USP32: variants seen among roughly 807,000 people sequenced by gnomAD.
USP32 encodes ubiquitin specific peptidase 32.
In USP32, 59 loss-of-function variants were observed where a neutral mutation model predicts 204.8. The ratio of observed to expected loss-of-function variants is 0.29; its 90% CI spans 0.23 to 0.36. The LOEUF (loss-of-function observed/expected upper bound fraction) is 0.36, where lower values mean the gene tolerates loss of function less well. Ranked by LOEUF, USP32 falls within the 10% of genes least tolerant of loss-of-function variation. The pLI, the probability that USP32 is intolerant of heterozygous loss-of-function variation, is 1.00. For synonymous variants in USP32, 517 were observed against 678.4 expected, an observed-to-expected ratio of 0.76 and a Z score of 3.70; for missense variants, 1,160 against 1,946.4, an observed-to-expected ratio of 0.60 and a Z score of 7.60.
intron 1 of USP32, among the ~76,000 whole-genome samples, chr17:60,357,890 TC>T (rs1459747578): frequency 1.3e-5 from 2 of 152,094 alleles, no homozygotes; most frequent in East Asian, 3.9e-4. Flanking sequence ...TGCCTCAGCA[TC>T]CCAAGTAACT....
intron 1 of USP32, among the ~76,000 whole-genome samples, chr17:60,407,771 G>A (rs1316377845): frequency 1.7e-5 from 2 of 116,030 alleles, no homozygotes; most frequent in Non-Finnish European, 3.3e-5. Flanking sequence ...GACAGAGCAA[G>A]CCTCTGTCTC....
chr17:60,410,915 C>T (rs1490829801), intron 1 of USP32, among the ~76,000 whole-genome samples: 2 of 151,110 alleles, frequency 1.3e-5, no homozygotes, highest in Non-Finnish European at 2.9e-5. Context: ...CCCGTTTCTA[C>T]TAAAAATACA....
chr17:60,208,579 T>C (rs2458355), intron 23 of USP32, 75 bp downstream of exon 23: 1 of 1,443,426 alleles, frequency 6.9e-7, no homozygotes, highest in African/African-American at 1.5e-5. Flanking sequence ...CAAATAACTA[T>C]GCTTACAAAT....
chr17:60,418,087 T>C (rs1440760671), intron 1 of USP32, among the ~76,000 whole-genome samples: 1 of 152,108 alleles, frequency 6.6e-6, no homozygotes, highest in Non-Finnish European at 1.5e-5. Flanking sequence ...GCCTCCCTAG[T>C]AGCTGGGATT....
intron 5 of USP32, among the ~76,000 whole-genome samples, chr17:60,284,895 C>G (rs941387073): frequency 2.6e-5 from 4 of 152,184 alleles, no homozygotes; most frequent in Non-Finnish European, 4.4e-5. Flanking sequence ...AATCCCCTAC[C>G]TTTGATGTCT....
chr17:60,396,581 C>T (rs1291518571), upstream of USP32, among the ~76,000 whole-genome samples: 1 of 152,058 alleles, frequency 6.6e-6, no homozygotes, highest in East Asian at 1.9e-4. Context: ...ACTGTAATTC[C>T]AGTGCTTTGG....
intron 1 of USP32, among the ~76,000 whole-genome samples, chr17:60,416,858 C>T (rs1462708618): frequency 6.6e-6 from 1 of 151,758 alleles, no homozygotes; most frequent in Non-Finnish European, 1.5e-5. Context: ...GATATATATA[C>T]ACACACATGC....
chr17:60,249,897 T>G (rs2086124224), intron 11 of USP32: 1 of 474,940 alleles, frequency 2.1e-6, no homozygotes. Context: ...AGACAAATAT[T>G]TGTTTCACCT....
intron 3 of USP32, 124 bp downstream of exon 3, chr17:60,301,475 T>G (rs2087573214): frequency 1.8e-6 from 1 of 570,694 alleles, no homozygotes; most frequent in Admixed American, 4.1e-5. Flanking sequence ...TTTAGGTGTT[T>G]ATTTACCACT....
At chr17:60,302,269 G>C (rs1401983924) in intron 2 of USP32, among the ~76,000 whole-genome samples, 1 of 151,982 alleles carries the variant, frequency 6.6e-6, no homozygotes, top group East Asian at 1.9e-4. Flanking sequence ...CAAGTAGCTG[G>C]GATTACAGGC....
At chr17:60,222,057 G>C (rs2085267130) in intron 15 of USP32, among the ~76,000 whole-genome samples, 1 of 152,158 alleles carries the variant, frequency 6.6e-6, no homozygotes, top group Non-Finnish European at 1.5e-5. Flanking sequence ...TTGTGTGATT[G>C]TTAGGAATAG....
intron 1 of USP32, among the ~76,000 whole-genome samples, chr17:60,390,843 T>G (rs2146142054): frequency 6.6e-6 from 1 of 152,304 alleles, no homozygotes; most frequent in South Asian, 2.1e-4. Flanking sequence ...GTTTTTTCAC[T>G]TCTTACCAAG....
At chr17:60,421,910 C>G (rs766651288) in intron 1 of USP32, 489 of 985,400 alleles carry the variant, frequency 5.0e-4, no homozygotes, top group Non-Finnish European at 5.7e-4. Context: ...GAAGCGGGAC[C>G]GCTGCGGTAC....
intron 3 of USP32, among the ~76,000 whole-genome samples, 184 bp from the exon 4 acceptor site, chr17:60,294,985 T>C (rs1356341583): frequency 6.6e-6 from 1 of 152,200 alleles, no homozygotes; most frequent in African/African-American, 2.4e-5. Flanking sequence ...TAGTATCTTT[T>C]CAAACATGCC....
At chr17:60,252,269 A>G (rs1451413547) in intron 11 of USP32, 112 bp downstream of exon 11, 4 of 863,602 alleles carry the variant, frequency 4.6e-6, no homozygotes, top group African/African-American at 1.8e-5. Context: ...ATATGTAACT[A>G]TTTTTGAGAA....
chr17:60,273,509 C>A (rs2086770427), intron 5 of USP32, among the ~76,000 whole-genome samples: 1 of 152,190 alleles, frequency 6.6e-6, no homozygotes, highest in South Asian at 2.1e-4. Flanking sequence ...TGCTGATCCA[C>A]AAGTAACTTA....
intron 7 of USP32, 144 bp downstream of exon 7, chr17:60,269,306 A>G (rs1162747860): frequency 1.6e-6 from 1 of 631,126 alleles, no homozygotes. Context: ...TGACCTCAGT[A>G]AAACCCTAAC....
chr17:60,205,212 T>C (rs1287518188), intron 26 of USP32, among the ~76,000 whole-genome samples: 1 of 152,238 alleles, frequency 6.6e-6, no homozygotes, highest in Non-Finnish European at 1.5e-5. Context: ...TACTAAATCC[T>C]GGCTCTGATC....
At chr17:60,391,856 G>A in intron 1 of USP32, 26 bp downstream of exon 1, 1 of 1,593,654 alleles carries the variant, frequency 6.3e-7, no homozygotes, top group Non-Finnish European at 8.5e-7. Flanking sequence ...CTCCCAGGCA[G>A]CTCGCCCAGA....
Sources: allele counts gnomAD v4.1 joint callset (sites outside exome capture counted in the v4.1 genomes callset), GRCh38; gene constraint gnomAD v4.1.1; transcripts MANE v1.5; gene names NCBI Gene and HGNC (gene_info 2026-07-23, HGNC 2026-07-21).